The following FAM124A variants were observed in gnomAD, a reference collection of about 807,000 sequenced individuals.
FAM124A encodes family with sequence similarity 124 member A, also known as protein FAM124A.
Under a neutral mutation model 24.5 loss-of-function variants are expected in FAM124A, and 23 were observed. That is an observed-to-expected ratio of 0.94 (90% CI 0.68 to 1.33). The LOEUF is 1.33. Ranked by LOEUF, FAM124A falls within the 40% of genes most tolerant of loss-of-function variation. The pLI, the probability that FAM124A is intolerant of heterozygous loss-of-function variation, is 0.00. For synonymous variants in FAM124A, 287 were observed against 314.7 expected, an observed-to-expected ratio of 0.91 and a Z score of 0.93; for missense variants, 623 against 722.8, an observed-to-expected ratio of 0.86 and a Z score of 1.58.
At chr13:51,244,551 C>CA (rs1184094801) in intron 2 of FAM124A, among the ~76,000 whole-genome samples, 1 of 152,148 alleles carries the variant, frequency 6.6e-6, no homozygotes, top group Non-Finnish European at 1.5e-5. Flanking sequence ...GAGACTTGTC[C>CA]AGGAAGTTCT....
rs371062746 is a variant in FAM124A, at chr13:51,252,150, C to T, written c.783C>T (p.Ser261=). 62 of 1,613,730 alleles carry T rather than the reference C, an allele frequency of 3.8e-5. No homozygotes were observed. The highest frequency in any genetic ancestry group is 1.1e-4 in the African/African-American group (8 of 74,934). The change falls in exon 3 of 4, where the codon AGC becomes AGT. Residue 261 remains serine, a synonymous_variant. Coordinates refer to ENST00000322475, the MANE Select transcript of FAM124A (RefSeq NM_001242312.2). ...PLLPNPCSPI[S]EGRWQTEDHD... ...TGCCCAACCCTTGCAGCCCCATCAG[C>T]GAGGGGCGCTGGCAGACGGAGGACC...
rs1315107156 is a variant in FAM124A, at chr13:51,282,191, T to C, written c.*935T>C. On this transcript the variant is annotated 3_prime_UTR_variant, in exon 4 of 4. Coordinates refer to ENST00000322475, the MANE Select transcript of FAM124A (RefSeq NM_001242312.2). ...ACAAGAGCCGCACTGTATACTGCTT[T>C]CTGCAGTGACCATGCTGGGTCACGC... 6.6e-6 allele frequency: 1 copy of C among 152,252 alleles called. No homozygotes were observed. Among genetic ancestry groups the C allele is most frequent in the Non-Finnish European group, 1.5e-5 (1 of 68,040 alleles). The allele number at this position is 152,252 out of a possible 1,614,324, so 9.4% of individuals were successfully genotyped here.
intron 2 of FAM124A, among the ~76,000 whole-genome samples, chr13:51,240,344 AC>A (rs1394501488): frequency 6.6e-6 from 1 of 152,152 alleles, no homozygotes; most frequent in Admixed American, 6.5e-5. Flanking sequence ...TTTTATTTTG[AC>A]CTGACTCTGA....
At chr13:51,266,073 A>G (rs1262328541) in intron 3 of FAM124A, among the ~76,000 whole-genome samples, 1 of 150,998 alleles carries the variant, frequency 6.6e-6, no homozygotes, top group East Asian at 1.9e-4. Context: ...TGGTGGGTCT[A>G]GGGGTGTTGT....
chr13:51,236,605 C>A (rs1954437767), intron 2 of FAM124A, among the ~76,000 whole-genome samples: 1 of 152,224 alleles, frequency 6.6e-6, no homozygotes, highest in African/African-American at 2.4e-5. Flanking sequence ...TAGAACTCCT[C>A]ACCAATGCGG....
In FAM124A at chr13:51,258,694, C is replaced by T. The variant is rs1434208324; in HGVS notation, c.834+6493C>T. On this transcript the variant is annotated intron_variant, in intron 3 of 3. Coordinates refer to ENST00000322475, the MANE Select transcript of FAM124A (RefSeq NM_001242312.2). This position sits in a 1 kb window ranked among gnomAD's most constrained non-coding sequence, Gnocchi z 4.2. The stretch of plus-strand genomic sequence containing the variant: ...GAGTGGCTAGGGGCATGTTCCACTG[C>T]GTTGGGAACCTTTGTTTCCAAATCT... Among the ~76,000 whole-genome samples, 4 of 152,284 alleles carry T rather than the reference C, an allele frequency of 2.6e-5. No homozygotes were observed. Among genetic ancestry groups the T allele is most frequent in the South Asian group, 2.1e-4 (1 of 4,824 alleles).
At chr13:51,230,826 G>A (rs927958139) in intron 1 of FAM124A, among the ~76,000 whole-genome samples, 3 of 152,198 alleles carry the variant, frequency 2.0e-5, no homozygotes, top group African/African-American at 4.8e-5. Context: ...ACTGAAATCA[G>A]TGGAAATATC....
chr13:51,223,351 G>T (rs1004959583), intron 1 of FAM124A, among the ~76,000 whole-genome samples: 11 of 152,118 alleles, frequency 7.2e-5, no homozygotes, highest in Non-Finnish European at 1.6e-4. Flanking sequence ...AAGGCTTCCA[G>T]GCAGCCTCTG....
chr13:51,232,177 G>A (rs2137649436), intron 2 of FAM124A, among the ~76,000 whole-genome samples: 1 of 152,240 alleles, frequency 6.6e-6, no homozygotes, highest in East Asian at 1.9e-4. Flanking sequence ...TATTAAAAAG[G>A]TGCTTATATT....
intron 3 of FAM124A, chr13:51,253,048 CT>C (rs1954641410): frequency 6.6e-6 from 1 of 152,212 alleles, no homozygotes; most frequent in Non-Finnish European, 1.5e-5. Flanking sequence ...CAGACCCAGG[CT>C]TTCTTGATTT....
At position 51,282,646 on chromosome 13, in the gene FAM124A, C is replaced by A. The variant is rs1484898212; in HGVS notation, c.*1390C>A. On this transcript the variant is annotated 3_prime_UTR_variant, in exon 4 of 4. Coordinates refer to ENST00000322475, the MANE Select transcript of FAM124A (RefSeq NM_001242312.2). ...CTTGAATTAATCATGGCACAGTGTT[C>A]ATCTCTCTGGAAATGCCCACGCCAG... 1 of 152,168 alleles carries A rather than the reference C, an allele frequency of 6.6e-6. No individual in the cohort carries two copies. The highest frequency in any genetic ancestry group is 1.5e-5 in the Non-Finnish European group (1 of 68,056). The allele number at this position is 152,168 out of a possible 1,614,324, so 9.4% of individuals were successfully genotyped here. A position where few individuals can be genotyped will look rare whatever the true frequency, so the allele number is the denominator to read the frequency against.
chr13:51,237,229 T>A (rs938440149), intron 2 of FAM124A, among the ~76,000 whole-genome samples: 1 of 152,230 alleles, frequency 6.6e-6, no homozygotes, highest in African/African-American at 2.4e-5. Flanking sequence ...AAAGGGCTTA[T>A]TAGTAATACT....
At chr13:51,232,770 A>G (rs1954392143) in intron 2 of FAM124A, among the ~76,000 whole-genome samples, 2 of 152,220 alleles carry the variant, frequency 1.3e-5, no homozygotes, top group Admixed American at 1.3e-4. Flanking sequence ...AGTTTTGCCC[A>G]GAGGCTACAT....
At chr13:51,241,445 C>A (rs918940828) in intron 2 of FAM124A, among the ~76,000 whole-genome samples, 2 of 152,188 alleles carry the variant, frequency 1.3e-5, no homozygotes, top group African/African-American at 2.4e-5. Flanking sequence ...GGGGCAGGCA[C>A]TTCAGGACTA....
intron 3 of FAM124A, among the ~76,000 whole-genome samples, chr13:51,255,350 A>C (rs1954664146): frequency 6.6e-6 from 1 of 152,204 alleles, no homozygotes; most frequent in Non-Finnish European, 1.5e-5. Context: ...GTCGCCATTA[A>C]AATTTAAATT....
chr13:51,227,325 C>T (rs1200923155), intron 1 of FAM124A: 1 of 152,190 alleles, frequency 6.6e-6, no homozygotes, highest in Admixed American at 6.5e-5. Flanking sequence ...ATGCTTCCCA[C>T]CTAGTGAAGT....
intron 2 of FAM124A, among the ~76,000 whole-genome samples, chr13:51,235,204 CAGG>C (rs1327482821): frequency 3.3e-5 from 5 of 152,172 alleles, no homozygotes; most frequent in African/African-American, 1.2e-4. Context: ...TGTTGGCACT[CAGG>C]AGATCTCAAT....
In FAM124A at chr13:51,225,121, A is replaced by G. The variant is rs1284435260; in HGVS notation, c.68+2552A>G. 2.0e-5 allele frequency: 3 copies of G among 151,938 alleles called. No homozygotes were observed. The East Asian group carries it at 5.8e-4, about 29-fold the overall frequency. The allele number at this position is 151,938 out of a possible 1,614,324, so 9.4% of individuals were successfully genotyped here. On this transcript the variant is annotated intron_variant, in intron 1 of 3. Transcript: ENST00000322475. ...GAAGAGAACTTTTTTTTTTTATCAGATTCTCAAAGTAGCTGGTGATCTATT... is the reference window on the plus strand; with the variant it reads ...GAAGAGAACTTTTTTTTTTTATCAGGTTCTCAAAGTAGCTGGTGATCTATT...
chr13:51,244,992 G>A (rs1954541752), intron 2 of FAM124A, among the ~76,000 whole-genome samples: 2 of 152,236 alleles, frequency 1.3e-5, no homozygotes, highest in South Asian at 4.1e-4. Flanking sequence ...CCCGAGGTTT[G>A]TTGTCTTCTG....
Sources: allele counts gnomAD v4.1 joint callset (sites outside exome capture counted in the v4.1 genomes callset), GRCh38; gene constraint gnomAD v4.1.1; non-coding constraint Gnocchi (gnomAD v3.1); transcripts MANE v1.5; gene names NCBI Gene and HGNC (gene_info 2026-07-23, HGNC 2026-07-21).